HIVEP2: variants seen among roughly 807,000 people sequenced by gnomAD.
The protein encoded by HIVEP2 is transcription factor HIVEP2.
A neutral mutation model predicts 180.7 loss-of-function variants in HIVEP2; 14 were observed. The ratio of observed to expected loss-of-function variants is 0.08; its 90% CI spans 0.05 to 0.12. The LOEUF is 0.12. Ranked by LOEUF, HIVEP2 falls within the 10% of genes least tolerant of loss-of-function variation. The pLI is 1.00. For missense variants in HIVEP2, 2,579 were observed against 3,008.5 expected, an observed-to-expected ratio of 0.86 and a Z score of 3.34; for synonymous variants, 1,184 against 1,136.4, an observed-to-expected ratio of 1.04 and a Z score of -0.84.
chr6:142,850,650 G>T (rs1313189441), intron 1 of HIVEP2, among the ~76,000 whole-genome samples: 1 of 152,210 alleles, frequency 6.6e-6, no homozygotes, highest in African/African-American at 2.4e-5. Flanking sequence ...CAAAGAGGCT[G>T]CCCAAACTAC....
intron 1 of HIVEP2, among the ~76,000 whole-genome samples, chr6:142,935,740 C>T (rs946842667): frequency 5.3e-5 from 8 of 152,066 alleles, no homozygotes; most frequent in African/African-American, 1.9e-4. Context: ...TAAACATCCA[C>T]CAAATATCAA....
intron 7 of HIVEP2, 21 bp downstream of exon 7, chr6:142,764,778 T>A: frequency 6.3e-7 from 1 of 1,596,784 alleles, no homozygotes; most frequent in Non-Finnish European, 8.6e-7. Flanking sequence ...ATTTTTCCTC[T>A]CAAAAAAATC....
intron 1 of HIVEP2, among the ~76,000 whole-genome samples, chr6:142,876,214 G>C (rs62432361): frequency 0.06 from 9,189 of 152,098 alleles, 388 homozygotes; most frequent in Non-Finnish European, 0.087. Context: ...GAGAGGTGAG[G>C]AACTTAAGAC....
chr6:142,770,105 G>T lies in HIVEP2; in HGVS notation c.4634C>A (p.Ser1545Tyr). 1 of 1,614,222 alleles carries T rather than the reference G, an allele frequency of 6.2e-7. No homozygotes were observed. Among genetic ancestry groups the T allele is most frequent in the Non-Finnish European group, 8.5e-7 (1 of 1,180,026 alleles). ...EPFLPSKEMLSGSRAPLPGQK... is the reference protein window; with the variant it reads ...EPFLPSKEMLYGSRAPLPGQK... ...CCCCGGAAGTGGTGCCCGGGAACCG[G>T]AAAGCATCTCCTTGCTGGGCAGGAA... Residue 1545 changes from serine to tyrosine, a missense_variant, in exon 5 of 10, where the codon TCC becomes TAC. Ser to Tyr is a moderately radical substitution (Grantham distance 144). Around this residue, in one of 11 missense-constraint regions of HIVEP2, gnomAD observed 349 missense variants for 367.2 expected, o/e 0.95. Transcript: ENST00000367603. The surrounding 1 kb of genome is among the most constrained non-coding windows in gnomAD (Gnocchi z 4.7).
At chr6:142,823,059 C>T (rs1777082361) in intron 2 of HIVEP2, among the ~76,000 whole-genome samples, 1 of 152,192 alleles carries the variant, frequency 6.6e-6, no homozygotes, top group Non-Finnish European at 1.5e-5. Flanking sequence ...AGTCTGACAG[C>T]CAGTCACAAC....
At chr6:142,816,537 ACT>A (rs1480525298) in intron 2 of HIVEP2, among the ~76,000 whole-genome samples, 3 of 152,120 alleles carry the variant, frequency 2.0e-5, no homozygotes, top group Non-Finnish European at 2.9e-5. Context: ...ATTTCCTAGC[ACT>A]CTGCACAACA....
chr6:142,772,666 G>C lies in HIVEP2; in HGVS notation c.2073C>G (p.Thr691=), dbSNP rs762168901. 5.6e-6 allele frequency: 9 copies of C among 1,614,190 alleles called. No homozygotes were observed. The Admixed American group carries it at 1.5e-4, about 27-fold the overall frequency. ...LQGVPSMFGT[T]CENRKRRKEK... ...CTTTCCGGCGTTTCCTGTTTTCACA[G>C]GTAGTTCCAAACATGCTTGGTACTC... is the stretch of plus-strand genomic sequence containing the variant. Residue 691 remains threonine, a synonymous_variant, in exon 5 of 10, where the codon ACC becomes ACG. Transcript: ENST00000367603. This position sits in a 1 kb window ranked among gnomAD's most constrained non-coding sequence, Gnocchi z 4.9.
At position 142,753,891 on chromosome 6, in the gene HIVEP2, A is replaced by C; in HGVS notation, c.6557T>G (p.Leu2186Arg). Residue 2186 changes from leucine (L) to arginine (R), a missense_variant, in exon 10 of 10, where the codon CTC (leucine) becomes CGC (arginine). Physicochemically the swap from Leu to Arg is moderately radical, Grantham distance 102. Transcript: ENST00000367603. ...ATAAGCACCTTCTTGGTCTCCATAG[A>C]GACTGAAGTAAGGAACCTGAGGTAA... Reference protein sequence around the residue: ...RGLPQVPYFSLYGDQEGAYEH... With the variant: ...RGLPQVPYFSRYGDQEGAYEH... 1.9e-6 allele frequency: 3 copies of C among 1,611,158 alleles called. No individual in the cohort carries two copies. Among genetic ancestry groups the C allele is most frequent in the Non-Finnish European group, 2.5e-6 (3 of 1,178,192 alleles).
intron 1 of HIVEP2, among the ~76,000 whole-genome samples, chr6:142,942,305 A>G (rs1293693325): frequency 6.6e-6 from 1 of 152,192 alleles, no homozygotes; most frequent in Non-Finnish European, 1.5e-5. Flanking sequence ...TTGAAAAAAA[A>G]AAATGGCAAA....
intron 3 of HIVEP2, among the ~76,000 whole-genome samples, chr6:142,782,771 C>A (rs1460853048): frequency 6.6e-6 from 1 of 152,170 alleles, no homozygotes; most frequent in Non-Finnish European, 1.5e-5. Context: ...TTCACATGGG[C>A]TGCAATGCAG....
chr6:142,862,176 C>T (rs1409345555), intron 1 of HIVEP2, among the ~76,000 whole-genome samples: 18 of 152,008 alleles, frequency 1.2e-4, no homozygotes, highest in Admixed American at 1.2e-3. Context: ...ATACCCAAAA[C>T]GTGTGTTTGA....
At chr6:142,813,172 C>T (rs1319983887) in intron 2 of HIVEP2, among the ~76,000 whole-genome samples, 2 of 152,154 alleles carry the variant, frequency 1.3e-5, no homozygotes, top group Admixed American at 1.3e-4. Context: ...AGATCTGTCA[C>T]TGCTATGTAT....
At chr6:142,905,370 T>C (rs547817307) in intron 1 of HIVEP2, among the ~76,000 whole-genome samples, 1 of 152,292 alleles carries the variant, frequency 6.6e-6, no homozygotes, top group East Asian at 1.9e-4. Flanking sequence ...CAAGGCATGA[T>C]TTAGGTAATC....
At chr6:142,862,617 T>C (rs1476178969) in intron 1 of HIVEP2, among the ~76,000 whole-genome samples, 1 of 145,164 alleles carries the variant, frequency 6.9e-6, no homozygotes, top group Admixed American at 7.0e-5. Context: ...TAATCGATTA[T>C]ATGTATTATA....
chr6:142,851,367 T>C (rs1354165472), intron 1 of HIVEP2, among the ~76,000 whole-genome samples: 5 of 152,214 alleles, frequency 3.3e-5, no homozygotes, highest in Admixed American at 2.6e-4. Context: ...CTAGACTCTT[T>C]AGGCTGCTAT....
chr6:142,804,583 C>A (rs534916016), intron 2 of HIVEP2, among the ~76,000 whole-genome samples: 11 of 152,010 alleles, frequency 7.2e-5, no homozygotes, highest in African/African-American at 2.7e-4. Flanking sequence ...AGTTATGACC[C>A]CTGCTTGGAA....
chr6:142,921,412 G>A (rs747906526), intron 1 of HIVEP2, among the ~76,000 whole-genome samples: 16 of 152,174 alleles, frequency 1.1e-4, no homozygotes, highest in African/African-American at 1.9e-4. Flanking sequence ...GCACACGCCC[G>A]TAATCCCAGC....
At chr6:142,944,358 T>TCCCC (rs1195649613) in intron 1 of HIVEP2, among the ~76,000 whole-genome samples, 10 of 81,968 alleles carry the variant, frequency 1.2e-4, no homozygotes, top group African/African-American at 6.1e-4. Flanking sequence ...GGATCTGGAG[T>TCCCC]CCACCCCCCC....
At chr6:142,899,660 T>C (rs1401565948) in intron 1 of HIVEP2, among the ~76,000 whole-genome samples, 1 of 152,242 alleles carries the variant, frequency 6.6e-6, no homozygotes, top group African/African-American at 2.4e-5. Flanking sequence ...CATTTATCTT[T>C]GTAAACTCTA....
Sources: allele counts gnomAD v4.1 joint callset (sites outside exome capture counted in the v4.1 genomes callset), GRCh38; gene constraint gnomAD v4.1.1; regional missense constraint gnomAD v4.1.1; non-coding constraint Gnocchi (gnomAD v3.1); transcripts MANE v1.5; gene names NCBI Gene and HGNC (gene_info 2026-07-23, HGNC 2026-07-21).